RAB40C: variants seen among roughly 807,000 people sequenced by gnomAD.
RAB40C encodes the protein ras-related protein Rab-40C.
In RAB40C, 8 loss-of-function variants were observed where a neutral mutation model predicts 28.1. The observed-to-expected ratio is 0.28, with a 90% CI of 0.17 to 0.51. The LOEUF (loss-of-function observed/expected upper bound fraction) is 0.51, where lower values mean the gene tolerates loss of function less well. Among genes scored for constraint, RAB40C ranks in the 20% least tolerant of loss-of-function variants. RAB40C has a pLI of 0.97. For missense variants in RAB40C, 288 were observed against 405.9 expected (o/e 0.71, Z 2.50); for synonymous variants, 201 against 171.7 (o/e 1.17, Z -1.34).
intron 1 of RAB40C, among the ~76,000 whole-genome samples, chr16:611,517 G>A (rs919120465): frequency 5.3e-5 from 8 of 152,244 alleles, no homozygotes; most frequent in Admixed American, 5.2e-4. Flanking sequence ...ACCACCGGAG[G>A]AGGGAGGTGC....
chr16:618,832 C>G (rs1277508737), intron 3 of RAB40C, among the ~76,000 whole-genome samples: 1 of 109,148 alleles, frequency 9.2e-6, no homozygotes, highest in South Asian at 3.6e-4. Context: ...TGGGTGCACT[C>G]GGCCATGTGT....
chr16:597,538 C>G (rs1013744304), intron 1 of RAB40C, among the ~76,000 whole-genome samples: 1 of 150,440 alleles, frequency 6.6e-6, no homozygotes, highest in Non-Finnish European at 1.5e-5. Flanking sequence ...GGGTGTAGTT[C>G]GATGGCACTA....
intron 1 of RAB40C, among the ~76,000 whole-genome samples, chr16:596,851 T>G (rs1018880318): frequency 1.2e-4 from 18 of 152,178 alleles, no homozygotes; most frequent in African/African-American, 4.3e-4. Flanking sequence ...ACTCGCACTT[T>G]GAGCCTAAGG....
At chr16:620,093 T>A (rs2036680145) in intron 3 of RAB40C, among the ~76,000 whole-genome samples, 1 of 152,184 alleles carries the variant, frequency 6.6e-6, no homozygotes, top group South Asian at 2.1e-4. Flanking sequence ...GGGCCCTGCC[T>A]GCTATTGAAA....
At chr16:622,646 T>A (rs2036744209) in intron 3 of RAB40C, among the ~76,000 whole-genome samples, 1 of 152,178 alleles carries the variant, frequency 6.6e-6, no homozygotes, top group African/African-American at 2.4e-5. Flanking sequence ...TAGCTAGAAC[T>A]AGGTGTGCAC....
chr16:619,713 G>T (rs1417908922), intron 3 of RAB40C, among the ~76,000 whole-genome samples: 1 of 152,242 alleles, frequency 6.6e-6, no homozygotes, highest in African/African-American at 2.4e-5. Context: ...CTTCTTGGGG[G>T]AAGGTTCAGG....
At chr16:606,780 T>C (rs2036369319) in intron 1 of RAB40C, among the ~76,000 whole-genome samples, 1 of 152,114 alleles carries the variant, frequency 6.6e-6, no homozygotes, top group Non-Finnish European at 1.5e-5. Flanking sequence ...ATGCTTTGAC[T>C]CTCCTTCTGT....
chr16:625,246 AGGGCAGGGGTGAG>A, intron 3 of RAB40C, 173 bp from the exon 4 acceptor site: 1 of 1,445,920 alleles, frequency 6.9e-7, no homozygotes, highest in East Asian at 2.7e-5. Context: ...CTGCCAGGTG[AGGGCAGGGGTGAG>A]GGGCAGGGCT....
chr16:619,727 G>T (rs143452164), intron 3 of RAB40C, among the ~76,000 whole-genome samples: 1 of 152,220 alleles, frequency 6.6e-6, no homozygotes, highest in South Asian at 2.1e-4. Flanking sequence ...GTTCAGGTCT[G>T]TGCCATGCAG....
chr16:613,262 G>A (rs1266733589), intron 1 of RAB40C, among the ~76,000 whole-genome samples: 1 of 150,166 alleles, frequency 6.7e-6, no homozygotes, highest in East Asian at 2.0e-4. Context: ...GCCCTGGCCT[G>A]TAGCATCAAG....
chr16:614,957 C>T (rs1297868948), intron 1 of RAB40C, among the ~76,000 whole-genome samples: 1 of 152,232 alleles, frequency 6.6e-6, no homozygotes, highest in East Asian at 1.9e-4. Flanking sequence ...TCCCTGGGTA[C>T]ACATTGGGTG....
At chr16:607,860 G>A (rs929432093) in intron 1 of RAB40C, among the ~76,000 whole-genome samples, 5 of 152,124 alleles carry the variant, frequency 3.3e-5, no homozygotes, top group African/African-American at 9.7e-5. Flanking sequence ...AAAAGAAAAC[G>A]AAGTCGCACC....
chr16:604,279 A>G (rs1290018530), intron 1 of RAB40C, among the ~76,000 whole-genome samples: 1 of 152,102 alleles, frequency 6.6e-6, no homozygotes, highest in Admixed American at 6.6e-5. Context: ...TACAGAAAAC[A>G]CGTCATTTTA....
At chr16:613,116 G>A (rs1247543325) in intron 1 of RAB40C, among the ~76,000 whole-genome samples, 1 of 117,896 alleles carries the variant, frequency 8.5e-6, no homozygotes, top group African/African-American at 3.4e-5. Context: ...GCAAGGGACA[G>A]CCGCCCTGGC....
At chr16:597,497 T>C (rs1410532040) in intron 1 of RAB40C, among the ~76,000 whole-genome samples, 1 of 151,712 alleles carries the variant, frequency 6.6e-6, no homozygotes, top group Non-Finnish European at 1.5e-5. Context: ...TAATTTTTAT[T>C]TTTTGAGACA....
rs1249211769 is a variant in RAB40C at position 609,791 on chromosome 16, TA to T, written c.143-7411del. On this transcript the variant is annotated intron_variant, in intron 1 of 5. Transcript: ENST00000248139. ...CCCAGAAAATAGAACAAAAAGAGAT[TA>T]AAAAACAACTGGGCAGTCCCTGCAG... is the stretch of plus-strand genomic sequence containing the variant. Among the ~76,000 whole-genome samples the T allele has an allele frequency of 3.3e-5, 5 of 151,824 alleles. No homozygotes were observed. In the South Asian group the frequency reaches 6.3e-4, roughly 19 times the overall value.
In RAB40C at chr16:624,006, C is replaced by T. The variant is rs201886226; in HGVS notation, c.265-1426C>T. 4 of 985,442 alleles carry T rather than the reference C, an allele frequency of 4.1e-6. No homozygotes were observed. In the East Asian group the frequency reaches 4.5e-4, roughly 112 times the overall value. The allele number at this position is 985,442 out of a possible 1,614,324, so 61.0% of individuals were successfully genotyped here. A position where few individuals can be genotyped will look rare whatever the true frequency, so the allele number is the denominator to read the frequency against. ...ACCTCACCTGGGTTGCACATCTCTC[C>T]TTGGCCAGCATGCACGCTTTTACAT... On this transcript the variant is annotated intron_variant, in intron 3 of 5. Transcript: ENST00000248139.
intron 3 of RAB40C, among the ~76,000 whole-genome samples, chr16:619,114 G>A (rs1170191753): frequency 1.4e-5 from 2 of 144,322 alleles, no homozygotes; most frequent in Admixed American, 6.9e-5. Context: ...GTCTGGCGGG[G>A]GCACTGGGGC....
chr16:591,899 C>T lies in RAB40C; in HGVS notation c.142+1466C>T, dbSNP rs114538166. ...CGTGAGCCACTGCGCCTGGCCTGAA[C>T]GTTTGTTTTTAACTTCCAGTGGCAT... On this transcript the variant is annotated intron_variant, in intron 1 of 5. Coordinates refer to ENST00000248139, the MANE Select transcript of RAB40C (RefSeq NM_021168.5). Among the ~76,000 whole-genome samples, 348 of 152,312 alleles carry T rather than the reference C, an allele frequency of 2.3e-3. 1 individual carries two copies. The highest frequency in any genetic ancestry group is 7.9e-3 in the African/African-American group (328 of 41,566).
Sources: gnomAD v4.1 joint callset for allele counts (sites outside exome capture counted in the v4.1 genomes callset) on GRCh38, gnomAD v4.1.1 for gene constraint, MANE v1.5 for transcripts, NCBI Gene and HGNC (gene_info 2026-07-23, HGNC 2026-07-21) for gene names.